Variants in MAN1A1 observed in about 807,000 individuals in gnomAD.
MAN1A1 encodes the protein mannosyl-oligosaccharide 1,2-alpha-mannosidase IA.
In MAN1A1, 29 loss-of-function variants were observed where a neutral mutation model predicts 70.8. The ratio of observed to expected loss-of-function variants is 0.41; its 90% CI spans 0.31 to 0.56. The LOEUF (loss-of-function observed/expected upper bound fraction) is 0.56. Ranked by LOEUF, MAN1A1 falls within the 20% of genes least tolerant of loss-of-function variation. MAN1A1 has a pLI of 0.29. For synonymous variants in MAN1A1, 349 were observed against 330.1 expected (o/e 1.06, Z -0.62); for missense variants, 747 against 841.3 (o/e 0.89, Z 1.39).
At chr6:119,326,335 CTCTT>C (rs1466142191) in intron 2 of MAN1A1, among the ~76,000 whole-genome samples, 1 of 152,200 alleles carries the variant, frequency 6.6e-6, no homozygotes, top group African/African-American at 2.4e-5. Context: ...CTCTAGCTCT[CTCTT>C]TCTCTGGGCA....
chr6:119,326,574 C>T (rs146668792), intron 2 of MAN1A1, among the ~76,000 whole-genome samples: 152 of 152,304 alleles, frequency 1.0e-3, no homozygotes, highest in Middle Eastern at 3.4e-3. Flanking sequence ...CTGTTATAAA[C>T]AACTTCTGGA....
intron 4 of MAN1A1, among the ~76,000 whole-genome samples, chr6:119,298,757 T>A: frequency 6.6e-6 from 1 of 151,856 alleles, no homozygotes; most frequent in East Asian, 1.9e-4. Flanking sequence ...CCACCATGCC[T>A]GGGAAATTTT....
At chr6:119,221,296 C>G (rs1228490357) in intron 6 of MAN1A1, among the ~76,000 whole-genome samples, 1 of 152,030 alleles carries the variant, frequency 6.6e-6, no homozygotes, top group East Asian at 1.9e-4. Flanking sequence ...CCACACTTTT[C>G]CTATTCCCTC....
In MAN1A1 at chr6:119,349,048, C is replaced by G. The variant is rs936233696; in HGVS notation, c.18G>C (p.Leu6=). ...CCGCGGGGCTGCTGAAGAGCGGCAA[C>G]AGGCCCCCCACGGGCATCGCTCCCG... is the stretch of plus-strand genomic sequence containing the variant. The part of the protein sequence containing the change: MPVGG[L]LPLFSSPAGG... The change falls in exon 2 of 13, where the codon CTG becomes CTC. Residue 6 remains leucine, a synonymous_variant. Coordinates refer to ENST00000368468, the MANE Select transcript of MAN1A1 (RefSeq NM_005907.4). The G allele has an allele frequency of 7.5e-7, 1 of 1,325,218 alleles. No individual in the cohort carries two copies. Among genetic ancestry groups the G allele is most frequent in the Non-Finnish European group, 9.7e-7 (1 of 1,035,140 alleles). 82.1% of individuals were successfully genotyped at this position (1,325,218 alleles called of 1,614,324 possible). A position where few individuals can be genotyped will look rare whatever the true frequency, so the allele number is the denominator to read the frequency against.
At chr6:119,253,248 C>T (rs1775373032) in intron 5 of MAN1A1, among the ~76,000 whole-genome samples, 4 of 152,114 alleles carry the variant, frequency 2.6e-5, no homozygotes, top group Admixed American at 2.6e-4. Context: ...GTTTGGTGGT[C>T]TGCTGCCGGT....
At chr6:119,231,904 T>C (rs1016063037) in intron 6 of MAN1A1, among the ~76,000 whole-genome samples, 1 of 152,238 alleles carries the variant, frequency 6.6e-6, no homozygotes, top group Non-Finnish European at 1.5e-5. Context: ...ATGTATATAG[T>C]TGCCACTTTT....
At chr6:119,249,873 TCA>T (rs111788551) in intron 5 of MAN1A1, among the ~76,000 whole-genome samples, 1,929 of 152,288 alleles carry the variant, frequency 0.013, 41 homozygotes, top group African/African-American at 0.04. Flanking sequence ...AATCTAACTC[TCA>T]TTTAGTAGTG....
At chr6:119,292,799 T>C (rs1772078440) in intron 4 of MAN1A1, among the ~76,000 whole-genome samples, 1 of 152,072 alleles carries the variant, frequency 6.6e-6, no homozygotes. Flanking sequence ...AAGTACTATA[T>C]ATAGGTGTAA....
chr6:119,293,606 A>G (rs1772113791), intron 4 of MAN1A1, among the ~76,000 whole-genome samples: 1 of 152,132 alleles, frequency 6.6e-6, no homozygotes, highest in East Asian at 1.9e-4. Flanking sequence ...TCGAATTTCC[A>G]ACATATAATT....
At chr6:119,323,792 T>C (rs1316299365) in intron 2 of MAN1A1, among the ~76,000 whole-genome samples, 1 of 152,156 alleles carries the variant, frequency 6.6e-6, no homozygotes, top group Non-Finnish European at 1.5e-5. Context: ...ATAGCTAAAA[T>C]TGATAGGAGA....
chr6:119,280,642 A>T (rs996364253), intron 5 of MAN1A1, among the ~76,000 whole-genome samples: 2 of 152,192 alleles, frequency 1.3e-5, no homozygotes, highest in Admixed American at 6.5e-5. Flanking sequence ...TCTAAAGGAG[A>T]TCACAATTTG....
intron 8 of MAN1A1, among the ~76,000 whole-genome samples, chr6:119,199,490 C>T (rs147265518): frequency 1.7e-3 from 265 of 152,130 alleles, no homozygotes; most frequent in Middle Eastern, 0.017. Flanking sequence ...TTTCACCTCA[C>T]AGAACATGAC....
At chr6:119,245,930 T>G (rs189733547) in intron 6 of MAN1A1, among the ~76,000 whole-genome samples, 4 of 152,276 alleles carry the variant, frequency 2.6e-5, no homozygotes, top group Non-Finnish European at 4.4e-5. Context: ...AATAAATTCT[T>G]GACAGACATA....
chr6:119,322,620 A>C (rs1251959294), intron 2 of MAN1A1, among the ~76,000 whole-genome samples: 1 of 152,150 alleles, frequency 6.6e-6, no homozygotes, highest in Non-Finnish European at 1.5e-5. Flanking sequence ...AAATTATATA[A>C]TATACATAGA....
chr6:119,309,301 G>A (rs973653553), intron 2 of MAN1A1, among the ~76,000 whole-genome samples: 2 of 152,182 alleles, frequency 1.3e-5, no homozygotes, highest in East Asian at 1.9e-4. Flanking sequence ...CAATTTAAAA[G>A]TCACATATAA....
chr6:119,305,604 C>T (rs1772504609), intron 3 of MAN1A1, among the ~76,000 whole-genome samples: 1 of 152,140 alleles, frequency 6.6e-6, no homozygotes, highest in East Asian at 1.9e-4. Context: ...AGTCTCTTTT[C>T]TTCTACTTTT....
intron 5 of MAN1A1, among the ~76,000 whole-genome samples, chr6:119,286,379 T>C (rs1331091792): frequency 6.6e-6 from 1 of 152,154 alleles, no homozygotes; most frequent in East Asian, 1.9e-4. Context: ...TAACTGACAT[T>C]CTTAATCTTC....
At chr6:119,336,963 A>G (rs1314719771) in intron 2 of MAN1A1, among the ~76,000 whole-genome samples, 1 of 152,224 alleles carries the variant, frequency 6.6e-6, no homozygotes, top group Non-Finnish European at 1.5e-5. Context: ...CTAAAAAAAA[A>G]ATACTGGCTG....
chr6:119,292,433 T>G (rs1481773884), intron 4 of MAN1A1, among the ~76,000 whole-genome samples: 1 of 152,014 alleles, frequency 6.6e-6, no homozygotes, highest in Non-Finnish European at 1.5e-5. Flanking sequence ...AAGCAACTAC[T>G]ATGTGCCAGA....
Sources: gnomAD v4.1 joint callset for allele counts (sites outside exome capture counted in the v4.1 genomes callset) on GRCh38, gnomAD v4.1.1 for gene constraint, MANE v1.5 for transcripts, NCBI Gene and HGNC (gene_info 2026-07-23, HGNC 2026-07-21) for gene names.